GABRA4: variants seen among roughly 807,000 people sequenced by gnomAD.
GABRA4 encodes gamma-aminobutyric acid type A receptor subunit alpha4, also known as gamma-aminobutyric acid receptor subunit alpha-4.
A neutral mutation model predicts 49.7 loss-of-function variants in GABRA4; 12 were observed. The ratio of observed to expected loss-of-function variants is 0.24; its 90% confidence interval spans 0.15 to 0.39. The LOEUF is 0.39. Ranked by LOEUF, GABRA4 falls within the 10% of genes least tolerant of loss-of-function variation. GABRA4 has a pLI of 1.00. For synonymous variants in GABRA4, 288 were observed against 240.2 expected, an observed-to-expected ratio of 1.20 and a Z score of -1.84; for missense variants, 506 against 686.0, an observed-to-expected ratio of 0.74 and a Z score of 2.93.
chr4:46,952,724 A>G (rs1364323562), intron 8 of GABRA4, among the ~76,000 whole-genome samples: 1 of 152,124 alleles, frequency 6.6e-6, no homozygotes, highest in Admixed American at 6.6e-5. Flanking sequence ...GGTGGAAAAT[A>G]TAACTAAATG....
intron 8 of GABRA4, among the ~76,000 whole-genome samples, chr4:46,937,777 A>G (rs1721650690): frequency 6.6e-6 from 1 of 152,148 alleles, no homozygotes; most frequent in Non-Finnish European, 1.5e-5. Flanking sequence ...AGCACCTCTT[A>G]ACCCAAATCA....
intron 2 of GABRA4, among the ~76,000 whole-genome samples, chr4:46,982,076 T>C (rs1316838664): frequency 6.6e-6 from 1 of 152,090 alleles, no homozygotes; most frequent in Admixed American, 6.6e-5. Flanking sequence ...ACTCGTATTC[T>C]AAAAAGTGGC....
intron 8 of GABRA4, among the ~76,000 whole-genome samples, chr4:46,946,560 G>A (rs1457116819): frequency 6.6e-6 from 1 of 151,972 alleles, no homozygotes; most frequent in Non-Finnish European, 1.5e-5. Context: ...CTCCACTGTG[G>A]GGCTAAGTCA....
At chr4:46,988,559 T>C (rs1723623770) in intron 2 of GABRA4, among the ~76,000 whole-genome samples, 1 of 152,232 alleles carries the variant, frequency 6.6e-6, no homozygotes, top group Non-Finnish European at 1.5e-5. Flanking sequence ...ACATAGATCA[T>C]TTGAAAACAC....
At chr4:46,940,962 G>A (rs1721768766) in intron 8 of GABRA4, among the ~76,000 whole-genome samples, 1 of 151,940 alleles carries the variant, frequency 6.6e-6, no homozygotes, top group Non-Finnish European at 1.5e-5. Flanking sequence ...TAGAAAATAA[G>A]GTATTAGACT....
At position 46,925,713 on chromosome 4, in the gene GABRA4, C is replaced by CGT; in HGVS notation, c.*2511_*2512insAC. On this transcript the variant is annotated 3_prime_UTR_variant, in exon 9 of 9. Coordinates refer to ENST00000264318, the MANE Select transcript of GABRA4 (RefSeq NM_000809.4). ...AAATTCAGTTAAGGAAAGCAAACAA[C>CGT]ATATTATTATTATTATTATTATTAT... 8.2e-6 allele frequency: 1 copy of CGT among 121,594 alleles called. No homozygotes were observed. Among genetic ancestry groups the CGT allele is most frequent in the African/African-American group, 3.0e-5 (1 of 32,890 alleles). The allele number at this position is 121,594 out of a possible 1,614,324, so 7.5% of individuals were successfully genotyped here.
rs776554470 is a variant in GABRA4 at position 46,986,292 on chromosome 4, G to A, written c.205+6536C>T. On this transcript the variant is annotated intron_variant, in intron 2 of 8. Coordinates refer to ENST00000264318, the MANE Select transcript of GABRA4 (RefSeq NM_000809.4). ...ATTCTCTCTCGAATGCACTCAATCAGACTTTCACACCCATCACACCACCAA... is the reference window on the plus strand; with the variant it reads ...ATTCTCTCTCGAATGCACTCAATCAAACTTTCACACCCATCACACCACCAA... Among the ~76,000 whole-genome samples, 27 of 151,920 alleles carry A rather than the reference G, an allele frequency of 1.8e-4. 1 individual carries two copies. The highest frequency in any genetic ancestry group is 3.7e-4 in the Non-Finnish European group (25 of 67,950).
At chr4:46,962,690 T>A (rs1722619205) in intron 8 of GABRA4, among the ~76,000 whole-genome samples, 1 of 151,790 alleles carries the variant, frequency 6.6e-6, no homozygotes, top group Non-Finnish European at 1.5e-5. Flanking sequence ...AGGAATCACA[T>A]TACCTCATTT....
chr4:46,989,208 G>T (rs1344464201), intron 2 of GABRA4, among the ~76,000 whole-genome samples: 1 of 152,162 alleles, frequency 6.6e-6, no homozygotes, highest in South Asian at 2.1e-4. Flanking sequence ...AATGAGTGAC[G>T]GCAGGTTTCC....
chr4:46,965,579 G>A (rs993265955), intron 7 of GABRA4, among the ~76,000 whole-genome samples: 1 of 151,722 alleles, frequency 6.6e-6, no homozygotes, highest in African/African-American at 2.4e-5. Flanking sequence ...GGATGATCCT[G>A]GAAACTGAGC....
At chr4:46,971,032 T>C (rs373917681) in intron 7 of GABRA4, 51 bp downstream of exon 7, 44 of 1,534,322 alleles carry the variant, frequency 2.9e-5, no homozygotes, top group Admixed American at 3.7e-5. Flanking sequence ...CCATGAATCA[T>C]GAATAAAATG....
At chr4:46,992,655 CG>C in intron 2 of GABRA4, 172 bp downstream of exon 2, 1 of 605,378 alleles carries the variant, frequency 1.7e-6, no homozygotes, top group Admixed American at 2.7e-5. Flanking sequence ...TGGGAAAGTA[CG>C]GGTGGAGGCG....
At chr4:46,943,046 T>G (rs1354542507) in intron 8 of GABRA4, among the ~76,000 whole-genome samples, 1 of 152,148 alleles carries the variant, frequency 6.6e-6, no homozygotes, top group African/African-American at 2.4e-5. Flanking sequence ...TCTTCAGATA[T>G]TTATTGAGTG....
intron 8 of GABRA4, among the ~76,000 whole-genome samples, chr4:46,931,263 T>C (rs55929667): frequency 0.12 from 18,621 of 152,116 alleles, 1,677 homozygotes; most frequent in East Asian, 0.3. Flanking sequence ...TCAACATTCA[T>C]GTAGCATTTG....
chr4:46,961,468 C>T (rs1391364810), intron 8 of GABRA4, among the ~76,000 whole-genome samples: 3 of 151,818 alleles, frequency 2.0e-5, no homozygotes, highest in Admixed American at 1.3e-4. Flanking sequence ...CTCTCCCTTG[C>T]CCCACACAAG....
chr4:46,993,064 G>C, intron 1 of GABRA4, 118 bp from the exon 2 acceptor site: 1 of 818,070 alleles, frequency 1.2e-6, no homozygotes, highest in Non-Finnish European at 2.0e-6. Context: ...AGCTAAAGGA[G>C]AGGAGGTTGG....
At chr4:46,954,902 C>T (rs755013102) in intron 8 of GABRA4, among the ~76,000 whole-genome samples, 4 of 152,046 alleles carry the variant, frequency 2.6e-5, no homozygotes, top group Non-Finnish European at 4.4e-5. Context: ...AGGCAACTTA[C>T]CAAAATACCA....
intron 4 of GABRA4, 80 bp downstream of exon 4, chr4:46,977,330 A>AAGGGAGGGAGGAAGGGAGGGAGGG: frequency 5.6e-6 from 3 of 540,468 alleles, no homozygotes; most frequent in Non-Finnish European, 9.0e-6. Flanking sequence ...GGGAGGGAGG[A>AAGGGAGGGAGGAAGGGAGGGAGGG]AGGAAGGAAG....
intron 8 of GABRA4, among the ~76,000 whole-genome samples, chr4:46,937,584 A>G (rs1721645026): frequency 6.6e-6 from 1 of 152,222 alleles, no homozygotes; most frequent in South Asian, 2.1e-4. Context: ...AGATTAAAAA[A>G]TACATGCAGA....
Sources: allele counts gnomAD v4.1 joint callset (sites outside exome capture counted in the v4.1 genomes callset), GRCh38; gene constraint gnomAD v4.1.1; transcripts MANE v1.5; gene names NCBI Gene and HGNC (gene_info 2026-07-23, HGNC 2026-07-21).